The following UGT2B7 variants were observed in gnomAD, a reference collection of about 807,000 sequenced individuals.
UGT2B7 encodes the protein UDP glucuronosyltransferase family 2 member B7.
Under a neutral mutation model 51.9 loss-of-function variants are expected in UGT2B7, and 51 were observed. The observed-to-expected ratio is 0.98, with a 90% CI of 0.78 to 1.24. UGT2B7 has a LOEUF of 1.24. Among genes scored for constraint, UGT2B7 ranks in the 50% most tolerant of loss-of-function variants. The pLI, the probability that UGT2B7 is intolerant of heterozygous loss-of-function variation, is 0.00. For synonymous variants in UGT2B7, 225 were observed against 211.6 expected (o/e 1.06, Z -0.55); for missense variants, 727 against 628.4 (o/e 1.16, Z -1.68).
intron 1 of UGT2B7, among the ~76,000 whole-genome samples, chr4:69,084,353 T>C (rs1017065659): frequency 2.0e-5 from 3 of 152,212 alleles, no homozygotes; most frequent in African/African-American, 4.8e-5. Flanking sequence ...GCTCCTTCTT[T>C]CTGGTTTTAC....
chr4:69,054,139 C>G (rs192936328), intron 1 of UGT2B7, among the ~76,000 whole-genome samples: 1 of 151,444 alleles, frequency 6.6e-6, no homozygotes, highest in Non-Finnish European at 1.5e-5. Flanking sequence ...AAGAGCTTTT[C>G]ATGAGTTAAA....
At chr4:69,058,855 G>A (rs765017693) in intron 1 of UGT2B7, among the ~76,000 whole-genome samples, 18 of 152,168 alleles carry the variant, frequency 1.2e-4, no homozygotes, top group African/African-American at 4.1e-4. Flanking sequence ...GCAAGGTGGC[G>A]TGATGTGGGC....
chr4:69,083,827 G>C (rs941071683), intron 1 of UGT2B7, among the ~76,000 whole-genome samples: 1 of 149,818 alleles, frequency 6.7e-6, no homozygotes, highest in Non-Finnish European at 1.5e-5. Context: ...CATATGCAGA[G>C]AGGGATAATT....
chr4:69,089,858 A>G (rs1245682436), intron 2 of UGT2B7, among the ~76,000 whole-genome samples: 2 of 152,192 alleles, frequency 1.3e-5, no homozygotes, highest in African/African-American at 2.4e-5. Context: ...TTAAGTTCCT[A>G]TCTCACATTT....
intron 2 of UGT2B7, among the ~76,000 whole-genome samples, chr4:69,100,119 A>T (rs1425060697): frequency 6.6e-6 from 1 of 152,086 alleles, no homozygotes; most frequent in Non-Finnish European, 1.5e-5. Flanking sequence ...CAGCATAAAC[A>T]TACCCTATGA....
intron 1 of UGT2B7, among the ~76,000 whole-genome samples, chr4:69,074,097 C>A (rs1220589621): frequency 6.6e-6 from 1 of 152,086 alleles, no homozygotes; most frequent in Non-Finnish European, 1.5e-5. Context: ...GTAGTCCCAA[C>A]ACTTTGGGAT....
intron 3 of UGT2B7, among the ~76,000 whole-genome samples, chr4:69,103,943 CAT>C (rs1334869269): frequency 6.6e-6 from 1 of 152,110 alleles, no homozygotes; most frequent in Non-Finnish European, 1.5e-5. Flanking sequence ...ATAACCAACA[CAT>C]GTGAGGAGTA....
intron 1 of UGT2B7, among the ~76,000 whole-genome samples, chr4:69,059,803 T>C (rs1428302925): frequency 6.6e-6 from 1 of 152,200 alleles, no homozygotes; most frequent in Non-Finnish European, 1.5e-5. Flanking sequence ...TATAGACCAG[T>C]ACAGAATTTG....
chr4:69,059,929 C>T (rs920779922), intron 1 of UGT2B7, among the ~76,000 whole-genome samples: 2 of 152,218 alleles, frequency 1.3e-5, no homozygotes, highest in African/African-American at 2.4e-5. Flanking sequence ...TTAAAGGATA[C>T]ATTTTTCCGT....
In UGT2B7 at chr4:69,058,969, G is replaced by A. The variant is rs181499519; in HGVS notation, c.-159+7367G>A. Among the ~76,000 whole-genome samples the A allele has an allele frequency of 2.8e-3, 420 of 152,318 alleles. 2 individuals carry two copies. The highest frequency in any genetic ancestry group is 4.9e-3 in the Non-Finnish European group (336 of 68,032). On this transcript the variant is annotated intron_variant, in intron 1 of 5. Coordinates refer to the UGT2B7 transcript ENST00000502942. ...AGTGCAAAAGACAAGGACACTGGAA[G>A]GATGAGTGTCCAGAGAATAATAATA...
chr4:69,081,141 T>C lies in UGT2B7; in HGVS notation c.-158-8331T>C, dbSNP rs150022223. Among the ~76,000 whole-genome samples, 962 of 152,288 alleles carry C rather than the reference T, an allele frequency of 6.3e-3. 9 individuals are homozygous for C. Among genetic ancestry groups the C allele is most frequent in the African/African-American group, 0.022 (917 of 41,586 alleles). ...GCAGAAAGATTGTAATTTTCCCAAATGTAACATTCATTTTTTGTATCATAT... is the reference window on the plus strand; with the variant it reads ...GCAGAAAGATTGTAATTTTCCCAAACGTAACATTCATTTTTTGTATCATAT... On this transcript the variant is annotated intron_variant, in intron 1 of 5. Transcript: ENST00000502942.
intron 1 of UGT2B7, among the ~76,000 whole-genome samples, chr4:69,072,280 A>T (rs971305830): frequency 6.6e-6 from 1 of 152,160 alleles, no homozygotes; most frequent in African/African-American, 2.4e-5. Flanking sequence ...AGAAACTCTA[A>T]GTAGTCACAT....
intron 1 of UGT2B7, among the ~76,000 whole-genome samples, chr4:69,068,075 T>G (rs1004827247): frequency 6.6e-6 from 1 of 152,134 alleles, no homozygotes; most frequent in Non-Finnish European, 1.5e-5. Context: ...AAATACATAT[T>G]TAAAAGGTTA....
intron 1 of UGT2B7, among the ~76,000 whole-genome samples, chr4:69,088,491 T>C (rs1037799993): frequency 3.9e-5 from 6 of 152,170 alleles, no homozygotes; most frequent in Non-Finnish European, 7.4e-5. Context: ...CAGTGATTTC[T>C]AGGTCTGTGA....
intron 2 of UGT2B7, among the ~76,000 whole-genome samples, chr4:69,100,673 T>A (rs1719390658): frequency 6.6e-6 from 1 of 151,930 alleles, no homozygotes; most frequent in African/African-American, 2.4e-5. Context: ...ATAGGAGGTG[T>A]AGAAGGACAA....
intron 1 of UGT2B7, among the ~76,000 whole-genome samples, chr4:69,082,036 T>A (rs1230420513): frequency 2.0e-5 from 3 of 152,108 alleles, no homozygotes; most frequent in Non-Finnish European, 2.9e-5. Context: ...GCTACTATTA[T>A]ATCTGTCCTG....
intron 1 of UGT2B7, among the ~76,000 whole-genome samples, chr4:69,064,112 A>AAGAGAGAGAAAGAAAGAAAG (rs754723956): frequency 6.9e-5 from 6 of 86,800 alleles, no homozygotes; most frequent in African/African-American, 1.2e-4. Flanking sequence ...GAAAGAAAGA[A>AAGAGAGAGAAAGAAAGAAAG]AAAGAAAGAA....
intron 1 of UGT2B7, among the ~76,000 whole-genome samples, chr4:69,052,274 C>G (rs57468707): frequency 0.15 from 22,724 of 151,736 alleles, 1,977 homozygotes; most frequent in Admixed American, 0.25. Flanking sequence ...CCCCTTCCCC[C>G]CCAACAGTAG....
At chr4:69,065,099 G>GA (rs199864821) in intron 1 of UGT2B7, among the ~76,000 whole-genome samples, 11 of 150,578 alleles carry the variant, frequency 7.3e-5, no homozygotes, top group African/African-American at 2.2e-4. Context: ...AGTAGGTATC[G>GA]AAAAAAAAAT....
Sources: gnomAD v4.1 joint callset for allele counts (sites outside exome capture counted in the v4.1 genomes callset) on GRCh38, gnomAD v4.1.1 for gene constraint, MANE v1.5 for transcripts, NCBI Gene and HGNC (gene_info 2026-07-23, HGNC 2026-07-21) for gene names.